MCC: variants seen among roughly 807,000 people sequenced by gnomAD.
The protein encoded by MCC is MCC regulator of Wnt signaling pathway.
A neutral mutation model predicts 116.2 loss-of-function variants in MCC; 90 were observed. The ratio of observed to expected loss-of-function variants is 0.77; its 90% CI spans 0.65 to 0.92. The LOEUF (loss-of-function observed/expected upper bound fraction) is 0.92, where lower values mean the gene tolerates loss of function less well. MCC is among the 40% of genes least tolerant of loss of function. MCC has a pLI of 0.00. For missense variants in MCC, 1,516 were observed against 1,312.2 expected (o/e 1.16, Z -2.40); for synonymous variants, 578 against 510.5 (o/e 1.13, Z -1.78).
chr5:113,191,715 C>G (rs1762158944), intron 3 of MCC, among the ~76,000 whole-genome samples: 1 of 152,138 alleles, frequency 6.6e-6, no homozygotes, highest in African/African-American at 2.4e-5. Flanking sequence ...GCAACAGTTT[C>G]TTTTTTCTAG....
chr5:113,156,215 T>C (rs1360888721), intron 3 of MCC, among the ~76,000 whole-genome samples: 1 of 151,724 alleles, frequency 6.6e-6, no homozygotes, highest in East Asian at 1.9e-4. Flanking sequence ...AAGTTGAGAG[T>C]TTCTGGCAAA....
At chr5:113,148,028 A>C (rs1759629898) in intron 4 of MCC, among the ~76,000 whole-genome samples, 1 of 152,236 alleles carries the variant, frequency 6.6e-6, no homozygotes, top group Non-Finnish European at 1.5e-5. Context: ...AAAGGGGTTC[A>C]TAAGCTTGTT....
intron 3 of MCC, among the ~76,000 whole-genome samples, chr5:113,292,581 A>T (rs1178467411): frequency 6.6e-6 from 1 of 152,062 alleles, no homozygotes; most frequent in Non-Finnish European, 1.5e-5. Context: ...AACTAGGCAA[A>T]AAAAATGGGT....
intron 3 of MCC, among the ~76,000 whole-genome samples, chr5:113,262,893 A>G (rs1765266209): frequency 6.6e-6 from 1 of 152,174 alleles, no homozygotes; most frequent in African/African-American, 2.4e-5. Context: ...TGCTCTAACC[A>G]CATTAGCCTC....
intron 3 of MCC, among the ~76,000 whole-genome samples, chr5:113,249,546 T>G (rs540396773): frequency 7.9e-4 from 120 of 152,328 alleles, no homozygotes; most frequent in Middle Eastern, 3.4e-3. Context: ...CAGCCTCTGC[T>G]CAGCTGCTGT....
chr5:113,457,960 C>T (rs1017804219), intron 1 of MCC, among the ~76,000 whole-genome samples: 20 of 151,846 alleles, frequency 1.3e-4, no homozygotes, highest in Non-Finnish European at 2.8e-4. Flanking sequence ...CCTTTGTGTC[C>T]ACACTCTGTA....
At chr5:113,332,894 A>G (rs1767734008) in intron 3 of MCC, among the ~76,000 whole-genome samples, 1 of 151,670 alleles carries the variant, frequency 6.6e-6, no homozygotes, top group Non-Finnish European at 1.5e-5. Flanking sequence ...CGACTTTGAA[A>G]GAGCACCCAG....
intron 3 of MCC, among the ~76,000 whole-genome samples, chr5:113,182,022 G>A (rs1761655600): frequency 6.6e-6 from 1 of 152,182 alleles, no homozygotes. Context: ...TGGAGGAGAG[G>A]TGTCATGCTC....
chr5:113,116,105 G>C (rs1004174788), intron 6 of MCC, among the ~76,000 whole-genome samples: 54 of 152,254 alleles, frequency 3.5e-4, no homozygotes, highest in African/African-American at 1.3e-3. Flanking sequence ...ACCTGCGGCA[G>C]CTCCAGATCC....
intron 15 of MCC, among the ~76,000 whole-genome samples, chr5:113,050,682 C>G (rs10054181): frequency 0.041 from 6,230 of 152,314 alleles, 444 homozygotes; most frequent in African/African-American, 0.14. Flanking sequence ...GCATACTGAG[C>G]TAATGTGATG....
At chr5:113,120,736 G>A (rs997018174) in intron 6 of MCC, among the ~76,000 whole-genome samples, 6 of 152,326 alleles carry the variant, frequency 3.9e-5, no homozygotes, top group South Asian at 4.1e-4. Flanking sequence ...AAATGTCAAC[G>A]TGATAGTAAG....
In MCC at chr5:113,183,988, A is replaced by T. The variant is rs1761760995; in HGVS notation, c.628-32566T>A. On this transcript the variant is annotated intron_variant, in intron 3 of 18. Transcript: ENST00000408903. ...CAAAGAGCTTAGAGGATCCAAAATC[A>T]CAATGCTGGTAAGTAAAATGAAATG... Among the ~76,000 whole-genome samples the T allele has an allele frequency of 2.0e-5, 3 of 151,960 alleles. No homozygotes were observed. In the South Asian group the frequency reaches 6.2e-4, roughly 32 times the overall value.
chr5:113,044,916 G>A (rs1360878810), intron 16 of MCC, among the ~76,000 whole-genome samples: 2 of 152,122 alleles, frequency 1.3e-5, no homozygotes, highest in African/African-American at 2.4e-5. Flanking sequence ...AGAGAGGCAC[G>A]AATTCAGTGC....
At position 113,327,494 on chromosome 5, in the gene MCC, C is replaced by T. The variant is rs59906519; in HGVS notation, c.627+13025G>A. Among the ~76,000 whole-genome samples the T allele has an allele frequency of 3.9e-3, 550 of 139,278 alleles. 5 individuals carry two copies. Among genetic ancestry groups the T allele is most frequent in the African/African-American group, 0.014 (506 of 37,004 alleles). 91.4% of individuals were successfully genotyped at this position (139,278 alleles called of 152,430 possible). A position where few individuals can be genotyped will look rare whatever the true frequency, so the allele number is the denominator to read the frequency against. ...CCAGGAGGCAGAGGTTGCAGTGAGC[C>T]GAGGTCGTGCTACTGTACTCCAGCC... is the stretch of plus-strand genomic sequence containing the variant. On this transcript the variant is annotated intron_variant, in intron 3 of 18. Transcript: ENST00000408903.
Position 113,071,074 on chromosome 5 carries a change from A to C in MCC, c.1925+20T>G, listed in dbSNP as rs1297115750. ...CACTTCTACCCTGAAGTAGCTCCAA[A>C]CATCCCAGTGTGTGCCTACCTGTAC... On this transcript the variant is annotated intron_variant, in intron 12 of 18. Transcript: ENST00000408903. 1 of 1,586,234 alleles carries C rather than the reference A, an allele frequency of 6.3e-7. No homozygotes were observed. The highest frequency in any genetic ancestry group is 8.6e-7 in the Non-Finnish European group (1 of 1,167,330).
chr5:113,252,600 T>C (rs1764843851), intron 3 of MCC, among the ~76,000 whole-genome samples: 1 of 152,190 alleles, frequency 6.6e-6, no homozygotes, highest in Non-Finnish European at 1.5e-5. Context: ...TATATTACAA[T>C]GTAATAATAA....
chr5:113,306,827 T>A (rs1766997702), intron 3 of MCC, among the ~76,000 whole-genome samples: 1 of 152,188 alleles, frequency 6.6e-6, no homozygotes, highest in Non-Finnish European at 1.5e-5. Flanking sequence ...CCTATTGTTT[T>A]CCTCTAATAA....
chr5:113,290,346 A>G (rs945536091), intron 3 of MCC, among the ~76,000 whole-genome samples: 1 of 152,234 alleles, frequency 6.6e-6, no homozygotes, highest in African/African-American at 2.4e-5. Flanking sequence ...TTGTCTGTCC[A>G]TTGTTTAAAT....
At chr5:113,089,679 C>A (rs140029145) in intron 8 of MCC, among the ~76,000 whole-genome samples, 2 of 152,274 alleles carry the variant, frequency 1.3e-5, no homozygotes, top group Non-Finnish European at 2.9e-5. Flanking sequence ...CTGGTGTACT[C>A]AAGGAACTGA....
Sources: gnomAD v4.1 joint callset for allele counts (sites outside exome capture counted in the v4.1 genomes callset) on GRCh38, gnomAD v4.1.1 for gene constraint, MANE v1.5 for transcripts, NCBI Gene and HGNC (gene_info 2026-07-23, HGNC 2026-07-21) for gene names.